The following LYZL2 variants were observed in gnomAD, a reference collection of about 807,000 sequenced individuals.
LYZL2 encodes lysozyme like 2, also known as lysozyme-like protein 2.
A neutral mutation model predicts 17.1 loss-of-function variants in LYZL2; 13 were observed. That is an observed-to-expected ratio of 0.76 (90% CI 0.49 to 1.21). LYZL2 has a LOEUF of 1.21. Among genes scored for constraint, LYZL2 ranks in the 50% most tolerant of loss-of-function variants. The pLI, the probability that LYZL2 is intolerant of heterozygous loss-of-function variation, is 0.00. For synonymous variants in LYZL2, 63 were observed against 74.4 expected, an observed-to-expected ratio of 0.85 and a Z score of 0.79; for missense variants, 166 against 189.2, an observed-to-expected ratio of 0.88 and a Z score of 0.72.
intron 3 of LYZL2, among the ~76,000 whole-genome samples, chr10:30,616,300 A>G (rs774203763): frequency 6.6e-6 from 1 of 152,268 alleles, no homozygotes; most frequent in Non-Finnish European, 1.5e-5. Context: ...TACATCGTCT[A>G]TAAGAGATAG....
At chr10:30,620,388 A>G (rs1465270331) in intron 3 of LYZL2, among the ~76,000 whole-genome samples, 3 of 152,200 alleles carry the variant, frequency 2.0e-5, no homozygotes, top group East Asian at 1.9e-4. Context: ...TTGTTGTCCA[A>G]TCTTCACGAG....
intron 4 of LYZL2, among the ~76,000 whole-genome samples, chr10:30,612,620 T>A (rs564799185): frequency 2.9e-4 from 44 of 152,290 alleles, no homozygotes; most frequent in African/African-American, 1.0e-3. Flanking sequence ...CTTAACTCAC[T>A]CCCATGTCTC....
At chr10:30,619,665 C>T (rs932278445) in intron 3 of LYZL2, among the ~76,000 whole-genome samples, 14 of 78,948 alleles carry the variant, frequency 1.8e-4, no homozygotes, top group Admixed American at 4.1e-4. Context: ...CATCACACAC[C>T]GGGGACTGTT....
chr10:30,614,275 G>C (rs1343008292), intron 3 of LYZL2, among the ~76,000 whole-genome samples: 1 of 152,248 alleles, frequency 6.6e-6, no homozygotes, highest in Non-Finnish European at 1.5e-5. Context: ...GGGGGAAGCA[G>C]GATGGGCAGA....
At chr10:30,621,022 A>G (rs745353199) in intron 3 of LYZL2, among the ~76,000 whole-genome samples, 6 of 152,224 alleles carry the variant, frequency 3.9e-5, no homozygotes, top group African/African-American at 1.4e-4. Context: ...TTGAAGGAGA[A>G]AAGAAAAGCA....
chr10:30,606,517 C>T, the LYZL2 span, among the ~76,000 whole-genome samples: 1 of 152,102 alleles, frequency 6.6e-6, no homozygotes, highest in Non-Finnish European at 1.5e-5. Flanking sequence ...CCATCCCCAG[C>T]TGAATTAGTC....
At chr10:30,628,936 G>A (rs1396027459) in intron 1 of LYZL2, among the ~76,000 whole-genome samples, 2 of 152,170 alleles carry the variant, frequency 1.3e-5, no homozygotes, top group African/African-American at 2.4e-5. Flanking sequence ...TATTGTTGGT[G>A]GCTGATTTCC....
intron 1 of LYZL2, among the ~76,000 whole-genome samples, chr10:30,628,624 A>G (rs575123322): frequency 6.6e-6 from 1 of 152,308 alleles, no homozygotes; most frequent in Admixed American, 6.5e-5. Flanking sequence ...ATGTTCTTAC[A>G]TATGTTCATC....
At chr10:30,623,832 C>G (rs1838661392) in intron 3 of LYZL2, among the ~76,000 whole-genome samples, 1 of 152,176 alleles carries the variant, frequency 6.6e-6, no homozygotes, top group Non-Finnish European at 1.5e-5. Flanking sequence ...AAACCATCCT[C>G]CTCCCCCTCG....
chr10:30,618,708 A>T (rs1318059495), intron 3 of LYZL2, among the ~76,000 whole-genome samples: 1 of 152,228 alleles, frequency 6.6e-6, no homozygotes, highest in Non-Finnish European at 1.5e-5. Context: ...TGTTAGACCT[A>T]AAACCATAAA....
chr10:30,617,693 AAAAAAG>A (rs1459362410), intron 3 of LYZL2, among the ~76,000 whole-genome samples: 296 of 143,892 alleles, frequency 2.1e-3, no homozygotes, highest in Middle Eastern at 3.5e-3. Context: ...AAAAAAAAAA[AAAAAAG>A]AAAAGAAAAA....
intron 3 of LYZL2, among the ~76,000 whole-genome samples, chr10:30,615,721 A>C (rs1441981086): frequency 6.6e-6 from 1 of 152,192 alleles, no homozygotes; most frequent in Non-Finnish European, 1.5e-5. Flanking sequence ...AAATATAAAA[A>C]ATTGTAATTA....
downstream of LYZL2, chr10:30,611,717 A>AG (rs1838446359): frequency 2.3e-6 from 1 of 428,698 alleles, no homozygotes; most frequent in Non-Finnish European, 3.8e-6. Flanking sequence ...AAAGAAAGAA[A>AG]GAAAGAAAAG....
rs374401730 is a variant in LYZL2, at chr10:30,614,533, C to T, written c.299-1633G>A. Among the ~76,000 whole-genome samples the T allele has an allele frequency of 4.9e-3, 742 of 152,352 alleles. 8 individuals carry two copies. Among genetic ancestry groups the T allele is most frequent in the East Asian group, 0.026 (136 of 5,186 alleles). On this transcript the variant is annotated intron_variant, in intron 3 of 4. Coordinates refer to ENST00000647634, the MANE Select transcript of LYZL2 (RefSeq NM_183058.3). ...AACTGCAGCGGGGGCAGCATGTCTT[C>T]CCTTAGCAGGGGATCTGGGAGGCCC...
rs747956839 is a variant in LYZL2, at chr10:30,626,175, C to G, written c.228G>C (p.Gln76His). 1.2e-6 allele frequency: 2 copies of G among 1,614,038 alleles called. No homozygotes were observed. Among genetic ancestry groups the G allele is most frequent in the Admixed American group, 1.7e-5 (1 of 60,010 alleles). ...DDGSIDYGIF[Q>H]INSFAWCRRG... is the part of the protein sequence containing the mutation. Reference sequence around the variant, plus strand: ...GTCTGCACCACGCGAAGCTGTTGATCTGGAAGATGCCGTAGTCGATGCTGC... The same window carrying G: ...GTCTGCACCACGCGAAGCTGTTGATGTGGAAGATGCCGTAGTCGATGCTGC... Residue 76 changes from glutamine (Q) to histidine (H), a missense_variant, in exon 3 of 5, where the codon CAG (glutamine) becomes CAC (histidine). Physicochemically the swap from Gln to His is conservative, Grantham distance 24. Around this residue, in one of 2 missense-constraint regions of LYZL2, gnomAD observed 134 missense variants for 129.4 expected, o/e 1.04. Coordinates refer to ENST00000647634, the MANE Select transcript of LYZL2 (RefSeq NM_183058.3).
intron 3 of LYZL2, among the ~76,000 whole-genome samples, chr10:30,621,535 GATC>G (rs1838619176): frequency 6.6e-6 from 1 of 152,082 alleles, no homozygotes; most frequent in African/African-American, 2.4e-5. Flanking sequence ...AGTGAGTTGT[GATC>G]ATGCCACTAC....
intron 1 of LYZL2, among the ~76,000 whole-genome samples, chr10:30,628,124 C>T (rs1329553239): frequency 1.3e-5 from 2 of 151,898 alleles, no homozygotes; most frequent in South Asian, 2.1e-4. Flanking sequence ...TGCGCCACTG[C>T]ACTCCAGCCT....
At chr10:30,619,983 G>A (rs1838594592) in intron 3 of LYZL2, among the ~76,000 whole-genome samples, 1 of 152,120 alleles carries the variant, frequency 6.6e-6, no homozygotes, top group East Asian at 1.9e-4. Flanking sequence ...GTTTGGCACA[G>A]ATAATATGAT....
intron 3 of LYZL2, among the ~76,000 whole-genome samples, chr10:30,613,467 A>AGTGTACTCTGCCCACT (rs1838478611): frequency 6.6e-6 from 1 of 150,744 alleles, no homozygotes; most frequent in African/African-American, 2.4e-5. Flanking sequence ...ACTGTACTCC[A>AGTGTACTCTGCCCACT]GCCTGGGCAA....
Sources: allele counts gnomAD v4.1 joint callset (sites outside exome capture counted in the v4.1 genomes callset), GRCh38; gene constraint gnomAD v4.1.1; regional missense constraint gnomAD v4.1.1; transcripts MANE v1.5; gene names NCBI Gene and HGNC (gene_info 2026-07-23, HGNC 2026-07-21).